The following MAPKAPK2 variants were observed in gnomAD, a reference collection of about 807,000 sequenced individuals.
MAPKAPK2 encodes the protein MAP kinase-activated protein kinase 2.
MAPKAPK2 carries 9 observed loss-of-function variants against 48.8 expected under a neutral mutation model. The ratio of observed to expected loss-of-function variants is 0.18; its 90% CI spans 0.11 to 0.32. The LOEUF (loss-of-function observed/expected upper bound fraction) is 0.32. Among genes scored for constraint, MAPKAPK2 ranks in the 10% least tolerant of loss-of-function variants. The pLI is 1.00. For missense variants in MAPKAPK2, 331 were observed against 498.3 expected (o/e 0.66, Z 3.20); for synonymous variants, 202 against 190.6 (o/e 1.06, Z -0.49).
intron 1 of MAPKAPK2, among the ~76,000 whole-genome samples, chr1:206,718,156 A>G (rs782134517): frequency 6.6e-6 from 1 of 152,258 alleles, no homozygotes; most frequent in Non-Finnish European, 1.5e-5. Flanking sequence ...CCACTAATTA[A>G]CTTTTAGGTG....
chr1:206,692,867 T>C (rs1174710243), intron 1 of MAPKAPK2, among the ~76,000 whole-genome samples: 2 of 152,208 alleles, frequency 1.3e-5, no homozygotes, highest in African/African-American at 4.8e-5. Context: ...CGGAAGCTAG[T>C]GGCCACCCGA....
Position 206,732,410 on chromosome 1 carries a change from G to A in MAPKAPK2, c.1060-165G>A, listed in dbSNP as rs900050731. Reference sequence around the variant, plus strand: ...TGCCCAGCGCTGGGGTGAGGCTGCCGTTGTCAGCGTGGACCACTAACCAGC... The same window carrying A: ...TGCCCAGCGCTGGGGTGAGGCTGCCATTGTCAGCGTGGACCACTAACCAGC... On this transcript the variant is annotated intron_variant, in intron 9 of 9. Coordinates refer to ENST00000367103, the MANE Select transcript of MAPKAPK2 (RefSeq NM_032960.4). The surrounding 1 kb of genome is among the most constrained non-coding windows in gnomAD (Gnocchi z 4.4). The A allele has an allele frequency of 5.1e-5, 75 of 1,457,674 alleles. No homozygotes were observed. The African/African-American group carries it at 8.7e-4, about 17-fold the overall frequency. 90.3% of individuals were successfully genotyped at this position (1,457,674 alleles called of 1,614,324 possible).
chr1:206,730,796 A>AT, intron 6 of MAPKAPK2, 33 bp downstream of exon 6: 1 of 1,311,796 alleles, frequency 7.6e-7, no homozygotes, highest in Non-Finnish European at 1.1e-6. Context: ...TGGGTGGGGC[A>AT]GGGAGTCAGG....
chr1:206,710,744 G>A (rs782238857), intron 1 of MAPKAPK2, among the ~76,000 whole-genome samples: 1 of 152,204 alleles, frequency 6.6e-6, no homozygotes, highest in South Asian at 2.1e-4. Flanking sequence ...AGGATAAAAC[G>A]TTAGAAGCAG....
intron 1 of MAPKAPK2, among the ~76,000 whole-genome samples, chr1:206,688,503 A>G (rs556090443): frequency 1.3e-5 from 2 of 152,358 alleles, no homozygotes; most frequent in African/African-American, 4.8e-5. Context: ...TCCTGAGAAC[A>G]GTCCCCAAAG....
chr1:206,694,623 G>A (rs1672559416), intron 1 of MAPKAPK2, among the ~76,000 whole-genome samples: 1 of 152,236 alleles, frequency 6.6e-6, no homozygotes, highest in Non-Finnish European at 1.5e-5. Context: ...CTCTAAGTGA[G>A]GAATCTGCAG....
At chr1:206,707,764 G>C (rs940980801) in intron 1 of MAPKAPK2, among the ~76,000 whole-genome samples, 3 of 152,152 alleles carry the variant, frequency 2.0e-5, no homozygotes, top group Non-Finnish European at 4.4e-5. Context: ...CATTTGCTGT[G>C]GCTAAACTAC....
chr1:206,724,179 A>G (rs1262763454), intron 1 of MAPKAPK2, among the ~76,000 whole-genome samples: 1 of 152,120 alleles, frequency 6.6e-6, no homozygotes, highest in Non-Finnish European at 1.5e-5. Flanking sequence ...GGCCATGCCC[A>G]TGCCCAAGGA....
At chr1:206,697,443 A>G (rs1672667626) in intron 1 of MAPKAPK2, among the ~76,000 whole-genome samples, 1 of 152,076 alleles carries the variant, frequency 6.6e-6, no homozygotes, top group Admixed American at 6.6e-5. Context: ...TGGCACCAGC[A>G]TCTGCTTCTG....
chr1:206,706,639 G>A (rs1672967976), intron 1 of MAPKAPK2, among the ~76,000 whole-genome samples: 1 of 152,198 alleles, frequency 6.6e-6, no homozygotes, highest in Non-Finnish European at 1.5e-5. Flanking sequence ...GGCCTGGGGA[G>A]CAGAAGTGTG....
intron 6 of MAPKAPK2, 77 bp downstream of exon 6, chr1:206,730,840 G>T (rs941450100): frequency 3.3e-5 from 48 of 1,445,726 alleles, no homozygotes; most frequent in Non-Finnish European, 4.6e-5. Context: ...AGAGGAAGAG[G>T]CAGACGTTAG....
In MAPKAPK2 at chr1:206,732,638, AT is replaced by A; in HGVS notation, c.1125del (p.Ile375MetfsTer10). 1 of 1,614,208 alleles carries A rather than the reference AT, an allele frequency of 6.2e-7. No individual in the cohort carries two copies. Among genetic ancestry groups the A allele is most frequent in the Non-Finnish European group, 8.5e-7 (1 of 1,180,034 alleles). On this transcript the variant is annotated frameshift_variant, in exon 10 of 10. Transcript: ENST00000367103. LOFTEE classifies it high-confidence loss of function. The surrounding 1 kb of genome is among the most constrained non-coding windows in gnomAD (Gnocchi z 4.4). ...VDYEQIKIKKIEDASNPLLLK... is the reference protein window; with the variant it reads ...VDYEQIKIKKXEDASNPLLLK... ...CTACGAGCAGATCAAGATAAAAAAGATTGAAGATGCATCCAACCCTCTGCTG... is the reference window on the plus strand; with the variant it reads ...CTACGAGCAGATCAAGATAAAAAAGATGAAGATGCATCCAACCCTCTGCTG...
At chr1:206,715,034 A>G (rs898220433) in intron 1 of MAPKAPK2, among the ~76,000 whole-genome samples, 9 of 151,984 alleles carry the variant, frequency 5.9e-5, no homozygotes, top group Non-Finnish European at 1.3e-4. Flanking sequence ...ATCAACCTGT[A>G]CTTTCCTTCT....
chr1:206,729,582 T>C, intron 4 of MAPKAPK2, 107 bp downstream of exon 4: 1 of 949,574 alleles, frequency 1.1e-6, no homozygotes, highest in Non-Finnish European at 1.7e-6. Flanking sequence ...TGCTGCCTGG[T>C]TCCTGAGCAT....
intron 1 of MAPKAPK2, among the ~76,000 whole-genome samples, chr1:206,712,307 G>C (rs550633511): frequency 6.6e-6 from 1 of 152,328 alleles, no homozygotes; most frequent in South Asian, 2.1e-4. Flanking sequence ...TGTTATCCCT[G>C]TATTACAGTG....
intron 1 of MAPKAPK2, among the ~76,000 whole-genome samples, chr1:206,728,273 T>C (rs1673773013): frequency 6.6e-6 from 1 of 152,102 alleles, no homozygotes; most frequent in Non-Finnish European, 1.5e-5. Context: ...GTCTGAGTAA[T>C]TGCTGAGGGG....
chr1:206,714,660 G>A (rs1156685487), intron 1 of MAPKAPK2, among the ~76,000 whole-genome samples: 4 of 151,222 alleles, frequency 2.6e-5, no homozygotes, highest in African/African-American at 9.7e-5. Flanking sequence ...AGCCACTCGG[G>A]AGGCTGAGGT....
intron 1 of MAPKAPK2, among the ~76,000 whole-genome samples, chr1:206,708,954 G>A (rs1285203191): frequency 4.6e-5 from 7 of 152,194 alleles, no homozygotes; most frequent in African/African-American, 1.7e-4. Flanking sequence ...GTATTCCATT[G>A]TATAGATATG....
chr1:206,731,410 C>A lies in MAPKAPK2; in HGVS notation c.892+148C>A. ...CACCTATGCCCACGCCTGCGGGGTGCGTCCTGCTTCATTTTGCCTGTGTGG... is the reference window on the plus strand; with the variant it reads ...CACCTATGCCCACGCCTGCGGGGTGAGTCCTGCTTCATTTTGCCTGTGTGG... On this transcript the variant is annotated intron_variant, in intron 7 of 9. Coordinates refer to ENST00000367103, the MANE Select transcript of MAPKAPK2 (RefSeq NM_032960.4). This position sits in a 1 kb window ranked among gnomAD's most constrained non-coding sequence, Gnocchi z 5.9. 7.0e-7 allele frequency: 1 copy of A among 1,428,460 alleles called. No homozygotes were observed. The highest frequency in any genetic ancestry group is 9.5e-7 in the Non-Finnish European group (1 of 1,056,560). 88.5% of individuals were successfully genotyped at this position (1,428,460 alleles called of 1,614,324 possible).
Sources: gnomAD v4.1 joint callset for allele counts (sites outside exome capture counted in the v4.1 genomes callset) on GRCh38, gnomAD v4.1.1 for gene constraint, Gnocchi (gnomAD v3.1) non-coding constraint, MANE v1.5 for transcripts, NCBI Gene and HGNC (gene_info 2026-07-23, HGNC 2026-07-21) for gene names.